The following DSTN variants were observed in gnomAD, a reference collection of about 807,000 sequenced individuals.
DSTN encodes destrin.
Under a neutral mutation model 16.8 loss-of-function variants are expected in DSTN, and 10 were observed. The observed-to-expected ratio is 0.60, with a 90% CI of 0.37 to 1.01. The LOEUF is 1.01. Among genes scored for constraint, DSTN ranks in the 50% least tolerant of loss-of-function variants. The pLI, the probability that DSTN is intolerant of heterozygous loss-of-function variation, is 0.01. For missense variants in DSTN, 141 were observed against 196.7 expected (o/e 0.72, Z 1.69); for synonymous variants, 57 against 58.9 (o/e 0.97, Z 0.14).
At chr20:17,590,345 T>C (rs1302417365) in intron 1 of DSTN, among the ~76,000 whole-genome samples, 1 of 152,218 alleles carries the variant, frequency 6.6e-6, no homozygotes, top group East Asian at 1.9e-4. Flanking sequence ...GATGTATTGA[T>C]TTAATCTCTG....
At chr20:17,574,900 ACT>A (rs1396718907) in intron 1 of DSTN, among the ~76,000 whole-genome samples, 2 of 83,794 alleles carry the variant, frequency 2.4e-5, no homozygotes, top group African/African-American at 1.1e-4. Context: ...TTTGAGACAG[ACT>A]CTCTTGCAGC....
intron 1 of DSTN, among the ~76,000 whole-genome samples, chr20:17,578,324 C>A (rs909230407): frequency 6.6e-6 from 1 of 152,186 alleles, no homozygotes; most frequent in Non-Finnish European, 1.5e-5. Context: ...TTAATTATGA[C>A]AAAGGACAGG....
chr20:17,578,831 C>T (rs917450363), intron 1 of DSTN, among the ~76,000 whole-genome samples: 4 of 152,098 alleles, frequency 2.6e-5, no homozygotes, highest in South Asian at 2.1e-4. Flanking sequence ...TGTGGTGGCT[C>T]ATGCCTGTAA....
At chr20:17,587,029 A>ATG (rs2035417055) in intron 1 of DSTN, among the ~76,000 whole-genome samples, 1 of 151,344 alleles carries the variant, frequency 6.6e-6, no homozygotes, top group Non-Finnish European at 1.5e-5. Flanking sequence ...ATATATATAT[A>ATG]TTCAGTATTT....
chr20:17,598,764 T>C (rs1210919605), intron 1 of DSTN, among the ~76,000 whole-genome samples: 2 of 152,176 alleles, frequency 1.3e-5, no homozygotes, highest in African/African-American at 2.4e-5. Flanking sequence ...TTTTTCCCTT[T>C]TTATTAAAAA....
At chr20:17,597,866 A>C (rs185119702) in intron 1 of DSTN, among the ~76,000 whole-genome samples, 1 of 151,988 alleles carries the variant, frequency 6.6e-6, no homozygotes, top group Admixed American at 6.6e-5. Flanking sequence ...TTTTTTCTCA[A>C]CCTCTGGAAA....
chr20:17,578,893 G>A (rs1308553035), intron 1 of DSTN, among the ~76,000 whole-genome samples: 1 of 148,712 alleles, frequency 6.7e-6, no homozygotes, highest in Non-Finnish European at 1.5e-5. Context: ...CTTGGGAGGT[G>A]CAGGTGGCAG....
chr20:17,577,524 G>T (rs1019727430), intron 1 of DSTN, among the ~76,000 whole-genome samples: 1 of 151,016 alleles, frequency 6.6e-6, no homozygotes, highest in Admixed American at 6.6e-5. Flanking sequence ...CCGAGATCAC[G>T]CCACTGCACT....
At chr20:17,592,600 T>C (rs2035481437) in intron 1 of DSTN, among the ~76,000 whole-genome samples, 1 of 149,416 alleles carries the variant, frequency 6.7e-6, no homozygotes, top group Non-Finnish European at 1.5e-5. Context: ...TTTTATTATT[T>C]TTGCAGGCAA....
At chr20:17,586,967 A>G (rs971036828) in intron 1 of DSTN, among the ~76,000 whole-genome samples, 9 of 152,194 alleles carry the variant, frequency 5.9e-5, no homozygotes, top group Non-Finnish European at 7.3e-5. Flanking sequence ...AAGGTCTTCA[A>G]AGGTTAAATG....
chr20:17,595,296 C>T (rs1190908603), intron 1 of DSTN, among the ~76,000 whole-genome samples: 2 of 152,138 alleles, frequency 1.3e-5, no homozygotes, highest in Admixed American at 1.3e-4. Context: ...TCAAACCCAT[C>T]CTACTCCTCC....
chr20:17,604,555 G>T lies in DSTN; in HGVS notation c.312G>T (p.Trp104Cys). 6.2e-7 allele frequency: 1 copy of T among 1,607,854 alleles called. No homozygotes were observed. Among genetic ancestry groups the T allele is most frequent in the Non-Finnish European group, 8.5e-7 (1 of 1,178,542 alleles). Residue 104 changes from tryptophan to cysteine, a missense_variant and splice_region_variant, in exon 3 of 4, where the codon TGG becomes TGT. Transcript: ENST00000246069. Reference sequence around the variant, plus strand: ...TCATTTTTGGCATCTTTCTATCTAGGGCACCAGAACTAGCACCTCTGAAAA... The same window carrying T: ...TCATTTTTGGCATCTTTCTATCTAGTGCACCAGAACTAGCACCTCTGAAAA... ...SRKEELMFFL[W>C]APELAPLKSK...
intron 1 of DSTN, among the ~76,000 whole-genome samples, chr20:17,579,394 A>G (rs1426451159): frequency 1.3e-5 from 2 of 152,042 alleles, no homozygotes; most frequent in Non-Finnish European, 2.9e-5. Flanking sequence ...GAGCAACATG[A>G]CAAAACCCAG....
At chr20:17,570,295 G>C in intron 1 of DSTN, 84 bp downstream of exon 1, 1 of 1,386,054 alleles carries the variant, frequency 7.2e-7, no homozygotes, top group Non-Finnish European at 9.3e-7. Flanking sequence ...GGGCTAAGGG[G>C]GTGAGCCGTG....
intron 1 of DSTN, among the ~76,000 whole-genome samples, chr20:17,599,017 G>A (rs534584640): frequency 3.3e-5 from 5 of 152,204 alleles, no homozygotes; most frequent in East Asian, 3.8e-4. Flanking sequence ...CCTTGTACAC[G>A]AGTGTTTATA....
intron 1 of DSTN, among the ~76,000 whole-genome samples, chr20:17,581,295 A>G (rs1340588043): frequency 6.6e-6 from 1 of 152,164 alleles, no homozygotes; most frequent in Non-Finnish European, 1.5e-5. Flanking sequence ...ACCCTGGGCA[A>G]CATAGAGAGA....
At chr20:17,600,615 T>G in intron 1 of DSTN, 123 bp from the exon 2 acceptor site, 1 of 1,196,508 alleles carries the variant, frequency 8.4e-7, no homozygotes, top group Non-Finnish European at 1.1e-6. Context: ...ATTTCTAGTT[T>G]TTTAATTAGA....
rs1003676548 is a variant in DSTN, at chr20:17,570,091, G to A, written c.-118G>A. The A allele has an allele frequency of 3.9e-5, 57 of 1,452,542 alleles. No homozygotes were observed. The highest frequency in any genetic ancestry group is 4.2e-5 in the Non-Finnish European group (46 of 1,099,470). The allele number at this position is 1,452,542 out of a possible 1,614,324, so 90.0% of individuals were successfully genotyped here. ...GGCGCGCCCGCCCCGGGGTAAGCTC[G>A]CGCCGCCGCGTCAGCTCAGCGCTGG... On this transcript the variant is annotated 5_prime_UTR_variant, in exon 1 of 4. Coordinates refer to ENST00000246069, the MANE Select transcript of DSTN (RefSeq NM_006870.4).
At chr20:17,571,969 C>A (rs551528858) in intron 1 of DSTN, among the ~76,000 whole-genome samples, 1 of 152,160 alleles carries the variant, frequency 6.6e-6, no homozygotes, top group East Asian at 1.9e-4. Flanking sequence ...GATTATAGAC[C>A]CCCCATTTTT....
Sources: gnomAD v4.1 joint callset for allele counts (sites outside exome capture counted in the v4.1 genomes callset) on GRCh38, gnomAD v4.1.1 for gene constraint, MANE v1.5 for transcripts, NCBI Gene and HGNC (gene_info 2026-07-23, HGNC 2026-07-21) for gene names.